Variants in SEMA5B observed in about 807,000 individuals in gnomAD.
The protein encoded by SEMA5B is semaphorin-5B.
In SEMA5B, 66 loss-of-function variants were observed where a neutral mutation model predicts 135.0. The observed-to-expected ratio is 0.49, with a 90% CI of 0.40 to 0.60. The LOEUF is 0.60. SEMA5B is among the 20% of genes least tolerant of loss of function. The pLI is 0.00. For missense variants in SEMA5B, 1,501 were observed against 1,566.3 expected (o/e 0.96, Z 0.70); for synonymous variants, 690 against 639.5 (o/e 1.08, Z -1.19).
intron 1 of SEMA5B, among the ~76,000 whole-genome samples, chr3:122,993,475 G>C (rs573854026): frequency 6.6e-6 from 1 of 152,346 alleles, no homozygotes; most frequent in South Asian, 2.1e-4. Flanking sequence ...CTGGACCAGA[G>C]AGCAGTGGTG....
chr3:122,932,308 C>T (rs1344868708), intron 5 of SEMA5B, among the ~76,000 whole-genome samples: 1 of 123,516 alleles, frequency 8.1e-6, no homozygotes, highest in Admixed American at 1.0e-4. Flanking sequence ...GGCTGGAGTA[C>T]AGTGACACAA....
chr3:123,015,500 A>G (rs1035963590), intron 1 of SEMA5B, among the ~76,000 whole-genome samples: 1 of 152,072 alleles, frequency 6.6e-6, no homozygotes, highest in Non-Finnish European at 1.5e-5. Context: ...GAAGTGGGAG[A>G]TCTTCAGAGT....
At chr3:122,961,043 G>T in intron 2 of SEMA5B, 97 bp downstream of exon 2, 1 of 1,281,766 alleles carries the variant, frequency 7.8e-7, no homozygotes. Flanking sequence ...GTCCTAGGAG[G>T]TATGCTGATG....
At chr3:122,929,613 AGGGACT>A (rs1938848755) in intron 5 of SEMA5B, among the ~76,000 whole-genome samples, 2 of 149,544 alleles carry the variant, frequency 1.3e-5, no homozygotes, top group African/African-American at 4.9e-5. Flanking sequence ...CGTGTAGAGC[AGGGACT>A]GGAACCCACA....
At position 122,961,186 on chromosome 3, in the gene SEMA5B, T is replaced by A; in HGVS notation, c.78A>T (p.Leu26=). ...AGCCCCCTACTGTCCATCCACACCT[T>A]AGCTGTTGGGCTGGGGTATCAGGCG... ...PGPPDTPAQQ[L]RCGWTVGGWL... is the part of the protein sequence containing the mutation. Residue 26 remains leucine, a synonymous_variant, in exon 2 of 23, where the codon CTA becomes CTT. Transcript: ENST00000357599. The A allele has an allele frequency of 6.2e-7, 1 of 1,613,758 alleles. No homozygotes were observed. The highest frequency in any genetic ancestry group is 8.5e-7 in the Non-Finnish European group (1 of 1,179,804).
intron 1 of SEMA5B, among the ~76,000 whole-genome samples, chr3:122,971,638 G>T (rs1256648374): frequency 6.6e-6 from 1 of 152,258 alleles, no homozygotes; most frequent in Non-Finnish European, 1.5e-5. Context: ...ATGAAAGTGA[G>T]TCTCTCCTCC....
At chr3:122,990,488 G>A (rs1346895902) in intron 1 of SEMA5B, among the ~76,000 whole-genome samples, 5 of 152,138 alleles carry the variant, frequency 3.3e-5, no homozygotes. Context: ...TTCTCAACCA[G>A]GTGTAACTTT....
At chr3:122,910,531 C>T (rs571287238) in intron 22 of SEMA5B, among the ~76,000 whole-genome samples, 6 of 152,250 alleles carry the variant, frequency 3.9e-5, no homozygotes, top group South Asian at 2.1e-4. Context: ...GGCTCCCGGC[C>T]GGGCGCGGTG....
At chr3:122,992,846 C>A (rs1235097830) in intron 1 of SEMA5B, 1 of 151,960 alleles carries the variant, frequency 6.6e-6, no homozygotes, top group African/African-American at 2.4e-5. Context: ...GAGAAGCAGT[C>A]TCGGGGAAGC....
chr3:122,910,383 GC>G, intron 22 of SEMA5B, 82 bp from the exon 23 acceptor site: 1 of 1,445,846 alleles, frequency 6.9e-7, no homozygotes, highest in South Asian at 1.3e-5. Flanking sequence ...GAGTCCAGAA[GC>G]CAGCCGTGCA....
rs535279206 is a variant in SEMA5B at position 122,968,211 on chromosome 3, G to T, written c.-38-6910C>A. Among the ~76,000 whole-genome samples the T allele has an allele frequency of 3.3e-5, 5 of 152,354 alleles. No individual in the cohort carries two copies. In the East Asian group the frequency reaches 9.6e-4, roughly 29 times the overall value. ...AGAGTATTAGTGTAAAAAGGGCCTTGGGAGGTGATGTAGCTACCTCCTTCA... is the reference window on the plus strand; with the variant it reads ...AGAGTATTAGTGTAAAAAGGGCCTTTGGAGGTGATGTAGCTACCTCCTTCA... On this transcript the variant is annotated intron_variant, in intron 1 of 22. Coordinates refer to ENST00000357599, the MANE Select transcript of SEMA5B (RefSeq NM_001031702.4).
chr3:122,942,396 C>A (rs1299393032), intron 4 of SEMA5B, among the ~76,000 whole-genome samples: 1 of 152,148 alleles, frequency 6.6e-6, no homozygotes, highest in East Asian at 1.9e-4. Flanking sequence ...CAGCATGGCC[C>A]GGAAGTGCCC....
At chr3:122,925,062 C>A (rs1186158874) in intron 9 of SEMA5B, among the ~76,000 whole-genome samples, 1 of 152,182 alleles carries the variant, frequency 6.6e-6, no homozygotes, top group Non-Finnish European at 1.5e-5. Context: ...AGTTTCGATG[C>A]CTCTCCACCT....
intron 4 of SEMA5B, among the ~76,000 whole-genome samples, chr3:122,942,867 A>C (rs1939619615): frequency 6.6e-6 from 1 of 152,172 alleles, no homozygotes; most frequent in Non-Finnish European, 1.5e-5. Context: ...TACCAGAGCC[A>C]ATGTTCTGTG....
chr3:122,945,953 G>A (rs1042672104), intron 3 of SEMA5B, among the ~76,000 whole-genome samples: 3 of 151,966 alleles, frequency 2.0e-5, no homozygotes, highest in Non-Finnish European at 2.9e-5. Flanking sequence ...GGCATAGCAC[G>A]GGGATCCTAG....
chr3:123,001,077 AAAGT>A (rs1303866388), intron 1 of SEMA5B, among the ~76,000 whole-genome samples: 1 of 152,132 alleles, frequency 6.6e-6, no homozygotes, highest in Non-Finnish European at 1.5e-5. Context: ...CCCAGAGCTC[AAAGT>A]ACTGGGCCCC....
intron 1 of SEMA5B, among the ~76,000 whole-genome samples, chr3:123,017,177 C>G (rs1159581483): frequency 1.3e-5 from 2 of 151,800 alleles, no homozygotes; most frequent in Non-Finnish European, 2.9e-5. Flanking sequence ...CATGAGCCCC[C>G]GCGCCTGGCC....
chr3:122,955,768 C>T (rs144405998), intron 2 of SEMA5B, among the ~76,000 whole-genome samples: 42 of 152,308 alleles, frequency 2.8e-4, no homozygotes, highest in African/African-American at 8.7e-4. Flanking sequence ...AGTCTGGTAC[C>T]GAGTAGGCTC....
intron 2 of SEMA5B, among the ~76,000 whole-genome samples, chr3:122,953,837 T>C (rs1003743191): frequency 2.6e-5 from 4 of 152,198 alleles, no homozygotes; most frequent in Admixed American, 6.5e-5. Context: ...TCATCTCCCC[T>C]CCATTTATGG....
Sources: gnomAD v4.1 joint callset for allele counts (sites outside exome capture counted in the v4.1 genomes callset) on GRCh38, gnomAD v4.1.1 for gene constraint, MANE v1.5 for transcripts, NCBI Gene and HGNC (gene_info 2026-07-23, HGNC 2026-07-21) for gene names.